CBLN2: variants seen among roughly 807,000 people sequenced by gnomAD.
The protein encoded by CBLN2 is cerebellin-2.
CBLN2 carries 7 observed loss-of-function variants against 15.0 expected under a neutral mutation model. The ratio of observed to expected loss-of-function variants is 0.47; its 90% CI spans 0.27 to 0.88. The LOEUF is 0.88. CBLN2 is among the 40% of genes least tolerant of loss of function. CBLN2 has a pLI of 0.14. For synonymous variants in CBLN2, 149 were observed against 135.2 expected (o/e 1.10, Z -0.71); for missense variants, 242 against 304.5 (o/e 0.79, Z 1.53).
intron 1 of CBLN2, among the ~76,000 whole-genome samples, chr18:72,602,785 A>G (rs771749155): frequency 6.6e-6 from 1 of 152,132 alleles, no homozygotes; most frequent in Admixed American, 6.5e-5. Flanking sequence ...TTTCCAGTCC[A>G]ACAGTTCTCT....
At chr18:72,554,620 A>G (rs539526433) in intron 1 of CBLN2, among the ~76,000 whole-genome samples, 7 of 152,178 alleles carry the variant, frequency 4.6e-5, no homozygotes, top group African/African-American at 1.7e-4. Context: ...ATTGTTCTAA[A>G]TAACACAAAG....
intron 1 of CBLN2, among the ~76,000 whole-genome samples, chr18:72,562,414 A>T (rs1478833762): frequency 1.3e-5 from 2 of 152,214 alleles, no homozygotes; most frequent in African/African-American, 4.8e-5. Flanking sequence ...AAGAAAAATA[A>T]AACATTTTGT....
intron 1 of CBLN2, among the ~76,000 whole-genome samples, chr18:72,555,261 C>A (rs1024406215): frequency 6.6e-6 from 1 of 152,110 alleles, no homozygotes; most frequent in Non-Finnish European, 1.5e-5. Context: ...GGCTGGAAAG[C>A]CTGCTGGTGG....
At position 72,541,834 on chromosome 18, in the gene CBLN2, G is replaced by C; in HGVS notation, c.327C>G (p.Ser109Arg). The stretch of plus-strand genomic sequence containing the variant: ...CGAAATAGATGGTCATGGTGCGGTT[G>C]CTCATCTCGGACGGCTCGTGGTTGG... ...RSTNHEPSEM[S>R]NRTMTIYFDQ... Residue 109 changes from serine (S) to arginine (R), a missense_variant, in exon 3 of 5, where the codon AGC becomes AGG. Transcript: ENST00000269503. The C allele has an allele frequency of 4.4e-6, 7 of 1,587,510 alleles. No individual in the cohort carries two copies. The highest frequency in any genetic ancestry group is 6.0e-6 in the Non-Finnish European group (7 of 1,169,254).
intron 1 of CBLN2, among the ~76,000 whole-genome samples, chr18:72,577,067 G>A (rs572362047): frequency 1.6e-3 from 231 of 147,500 alleles, no homozygotes; most frequent in African/African-American, 2.5e-3. Flanking sequence ...TGAATATTTA[G>A]AATTATAAAA....
rs192911652 is a variant in CBLN2, at chr18:72,618,267, A to G, written c.15+20058T>C. On this transcript the variant is annotated intron_variant, in intron 1 of 2. Transcript: ENST00000581073. ...TAAAGTCTCTCTTTCCCCTGCTGTC[A>G]TGTCTAAGTCAGAGTCTCCTAAAGA... 815 of 328,474 alleles carry G rather than the reference A, an allele frequency of 2.5e-3. 4 individuals carry two copies. The highest frequency in any genetic ancestry group is 0.01 in the East Asian group (174 of 16,600). 20.3% of individuals were successfully genotyped at this position (328,474 alleles called of 1,614,324 possible).
At chr18:72,623,091 G>T (rs1269667143) in intron 1 of CBLN2, among the ~76,000 whole-genome samples, 1 of 152,142 alleles carries the variant, frequency 6.6e-6, no homozygotes, top group Non-Finnish European at 1.5e-5. Context: ...GCAGGAGGAA[G>T]AGAGCGAAGG....
At chr18:72,541,764 TC>T in intron 3 of CBLN2, 39 bp downstream of exon 3, 2 of 1,482,024 alleles carry the variant, frequency 1.3e-6, no homozygotes, top group Non-Finnish European at 1.8e-6. Context: ...CCCGCCCCTC[TC>T]CCCGGGCTGG....
At chr18:72,546,081 A>G (rs569866706), upstream of CBLN2, among the ~76,000 whole-genome samples, 3 of 152,350 alleles carry the variant, frequency 2.0e-5, no homozygotes, top group African/African-American at 7.2e-5. Flanking sequence ...ACCATAAAAG[A>G]TAGCAAATTG....
chr18:72,605,055 C>T (rs2069574401), intron 1 of CBLN2, among the ~76,000 whole-genome samples: 1 of 152,152 alleles, frequency 6.6e-6, no homozygotes, highest in African/African-American at 2.4e-5. Flanking sequence ...CATTTTGTAT[C>T]TAATTTGGTT....
chr18:72,579,538 C>T (rs1393218296), intron 1 of CBLN2, among the ~76,000 whole-genome samples: 1 of 152,010 alleles, frequency 6.6e-6, no homozygotes, highest in African/African-American at 2.4e-5. Context: ...GGAGACCAGC[C>T]TGGTCAACAT....
chr18:72,631,968 T>C (rs1302491589), intron 1 of CBLN2, among the ~76,000 whole-genome samples: 1 of 151,554 alleles, frequency 6.6e-6, no homozygotes, highest in East Asian at 1.9e-4. Context: ...GAATTAAAAT[T>C]AGACTTATCT....
At chr18:72,590,932 AT>A (rs1402544270) in intron 1 of CBLN2, among the ~76,000 whole-genome samples, 5 of 152,202 alleles carry the variant, frequency 3.3e-5, no homozygotes, top group Non-Finnish European at 7.3e-5. Flanking sequence ...AATTTGAACT[AT>A]TTCTCCAATG....
intron 1 of CBLN2, among the ~76,000 whole-genome samples, chr18:72,557,288 G>C (rs2069232668): frequency 6.6e-6 from 1 of 152,058 alleles, no homozygotes; most frequent in Admixed American, 6.6e-5. Context: ...TCTCATTGAT[G>C]GGCATTTGAG....
chr18:72,574,980 A>G (rs1345857535), intron 1 of CBLN2, among the ~76,000 whole-genome samples: 1 of 152,162 alleles, frequency 6.6e-6, no homozygotes, highest in East Asian at 1.9e-4. Flanking sequence ...GGACGATGAA[A>G]CAGGTCGGGG....
chr18:72,624,619 G>A (rs747063676), intron 1 of CBLN2, among the ~76,000 whole-genome samples: 4 of 152,130 alleles, frequency 2.6e-5, no homozygotes, highest in South Asian at 2.1e-4. Flanking sequence ...CATCCTGGGC[G>A]ACAGAGTGAG....
chr18:72,626,154 A>T (rs1439246220), intron 1 of CBLN2, among the ~76,000 whole-genome samples: 1 of 151,892 alleles, frequency 6.6e-6, no homozygotes, highest in Non-Finnish European at 1.5e-5. Context: ...AACATTTTTC[A>T]TTTTTATTTT....
intron 1 of CBLN2, among the ~76,000 whole-genome samples, chr18:72,634,923 T>C (rs2069802404): frequency 6.6e-6 from 1 of 152,202 alleles, no homozygotes; most frequent in Non-Finnish European, 1.5e-5. Flanking sequence ...TTTTGTTTTC[T>C]AGATGAACCC....
intron 1 of CBLN2, among the ~76,000 whole-genome samples, chr18:72,606,055 G>A (rs576968919): frequency 1.2e-4 from 19 of 152,350 alleles, no homozygotes; most frequent in African/African-American, 4.3e-4. Flanking sequence ...CTTTGGGAGC[G>A]AGGCTGACTG....
Sources: gnomAD v4.1 joint callset for allele counts (sites outside exome capture counted in the v4.1 genomes callset) on GRCh38, gnomAD v4.1.1 for gene constraint, MANE v1.5 for transcripts, NCBI Gene and HGNC (gene_info 2026-07-23, HGNC 2026-07-21) for gene names.